The following ESR1 variants were observed in gnomAD, a reference collection of about 807,000 sequenced individuals.
ESR1 encodes estrogen receptor 1, also known as estrogen receptor.
A neutral mutation model predicts 52.7 loss-of-function variants in ESR1; 12 were observed. The ratio of observed to expected loss-of-function variants is 0.23; its 90% CI spans 0.15 to 0.37. The LOEUF is 0.37. Among genes scored for constraint, ESR1 ranks in the 10% least tolerant of loss-of-function variants. The pLI, the probability that ESR1 is intolerant of heterozygous loss-of-function variation, is 1.00. For synonymous variants in ESR1, 305 were observed against 316.8 expected, an observed-to-expected ratio of 0.96 and a Z score of 0.39; for missense variants, 584 against 779.7, an observed-to-expected ratio of 0.75 and a Z score of 2.99.
chr6:151,705,118 G>GAGCACAT (rs1350016227), intron 2 of ESR1, among the ~76,000 whole-genome samples: 1 of 152,018 alleles, frequency 6.6e-6, no homozygotes, highest in Non-Finnish European at 1.5e-5. Flanking sequence ...ATCATCATAA[G>GAGCACAT]AGCACATTTT....
intron 5 of ESR1, among the ~76,000 whole-genome samples, chr6:152,047,866 C>T (rs563639862): frequency 2.0e-5 from 3 of 151,956 alleles, no homozygotes; most frequent in Non-Finnish European, 2.9e-5. Context: ...TATGTGCTCC[C>T]GGCTCTCCAG....
At chr6:152,057,059 A>G (rs1019892277) in intron 5 of ESR1, among the ~76,000 whole-genome samples, 8 of 152,146 alleles carry the variant, frequency 5.3e-5, no homozygotes, top group African/African-American at 1.7e-4. Context: ...TGAAGTTAGT[A>G]TAGAATATTT....
At chr6:151,663,385 A>G (rs1777707473) in intron 1 of ESR1, among the ~76,000 whole-genome samples, 1 of 152,182 alleles carries the variant, frequency 6.6e-6, no homozygotes, top group Non-Finnish European at 1.5e-5. Context: ...GATTTCTAGA[A>G]AGCAGTCCTA....
chr6:151,868,252 C>G (rs887672021), intron 2 of ESR1, among the ~76,000 whole-genome samples: 1 of 152,176 alleles, frequency 6.6e-6, no homozygotes, highest in East Asian at 1.9e-4. Flanking sequence ...CTCAGCCTCC[C>G]AAGTAGCTGG....
intron 2 of ESR1, among the ~76,000 whole-genome samples, chr6:151,867,461 G>C (rs1043472564): frequency 8.6e-5 from 13 of 150,562 alleles, no homozygotes; most frequent in African/African-American, 3.2e-4. Context: ...CCATCAAAAA[G>C]TGGGTGAAGG....
In ESR1 at chr6:151,748,878, T is replaced by C. The variant is rs151152363; in HGVS notation, c.-71+46873T>C. ...ATAGAGATTGTATCTAAATTTGCCTTAATACATAGTATATCCATTTGCTAA... is the reference window on the plus strand; with the variant it reads ...ATAGAGATTGTATCTAAATTTGCCTCAATACATAGTATATCCATTTGCTAA... On this transcript the variant is annotated intron_variant, in intron 2 of 2. Coordinates refer to the ESR1 transcript ENST00000404742. 3.6e-3 allele frequency among the ~76,000 whole-genome samples: 551 copies of C among 151,654 alleles called. 8 individuals carry two copies. The East Asian group carries it at 0.046, about 13-fold the overall frequency.
intron 2 of ESR1, among the ~76,000 whole-genome samples, chr6:151,719,339 G>T (rs1407809316): frequency 6.6e-6 from 1 of 152,194 alleles, no homozygotes; most frequent in Non-Finnish European, 1.5e-5. Flanking sequence ...TTGGCTGTGT[G>T]GGTGTGGAGG....
chr6:152,031,288 C>T (rs1418126767), intron 5 of ESR1, among the ~76,000 whole-genome samples: 6 of 152,176 alleles, frequency 3.9e-5, no homozygotes, highest in Middle Eastern at 3.4e-3. Flanking sequence ...TAACTAAGAT[C>T]AGAGCAGAAC....
intron 3 of ESR1, among the ~76,000 whole-genome samples, chr6:151,932,552 G>T (rs1260202865): frequency 8.5e-6 from 1 of 118,264 alleles, no homozygotes; most frequent in Non-Finnish European, 1.7e-5. Context: ...GAATGGTAAT[G>T]CCTAGGTTTT....
chr6:151,659,001 T>G (rs766069429), intron 1 of ESR1, among the ~76,000 whole-genome samples: 10 of 152,184 alleles, frequency 6.6e-5, no homozygotes, highest in Non-Finnish European at 1.3e-4. Context: ...CAAGATATGC[T>G]AAGGCAAGTT....
At chr6:151,745,365 A>G (rs1407498033) in intron 2 of ESR1, among the ~76,000 whole-genome samples, 1 of 152,108 alleles carries the variant, frequency 6.6e-6, no homozygotes, top group African/African-American at 2.4e-5. Flanking sequence ...TGCTTATGGG[A>G]TAGCCATTGA....
At chr6:151,861,864 T>C (rs1788957762) in intron 2 of ESR1, among the ~76,000 whole-genome samples, 1 of 152,112 alleles carries the variant, frequency 6.6e-6, no homozygotes, top group African/African-American at 2.4e-5. Flanking sequence ...TAGGACCAAG[T>C]GTTTTGCATG....
chr6:151,781,625 T>C (rs544494092), intron 2 of ESR1, among the ~76,000 whole-genome samples: 1 of 152,364 alleles, frequency 6.6e-6, no homozygotes, highest in East Asian at 1.9e-4. Flanking sequence ...CTGTTTCCAT[T>C]CCTTTCTCCT....
At chr6:152,104,075 C>T (rs1039264779), downstream of ESR1, among the ~76,000 whole-genome samples, 4 of 141,032 alleles carry the variant, frequency 2.8e-5, no homozygotes, top group Admixed American at 1.5e-4. Context: ...AGTGCATCTG[C>T]CTGGAAGGGT....
At chr6:151,894,996 T>G (rs1795261670) in intron 3 of ESR1, among the ~76,000 whole-genome samples, 1 of 152,224 alleles carries the variant, frequency 6.6e-6, no homozygotes, top group Non-Finnish European at 1.5e-5. Flanking sequence ...ATTTTCACAA[T>G]ATTGATTCTA....
chr6:152,021,027 G>A (rs1031851280), intron 5 of ESR1, among the ~76,000 whole-genome samples: 17 of 152,250 alleles, frequency 1.1e-4, no homozygotes, highest in African/African-American at 3.1e-4. Flanking sequence ...ATTTCCCAGT[G>A]TGATGGTTAA....
intron 2 of ESR1, among the ~76,000 whole-genome samples, chr6:151,849,263 G>T (rs986665675): frequency 2.0e-5 from 3 of 152,128 alleles, no homozygotes; most frequent in Non-Finnish European, 2.9e-5. Context: ...GCTGATTTCT[G>T]TTCAGCATTG....
At chr6:151,824,495 T>G (rs1781133017) in intron 1 of ESR1, among the ~76,000 whole-genome samples, 1 of 152,226 alleles carries the variant, frequency 6.6e-6, no homozygotes, top group Non-Finnish European at 1.5e-5. Context: ...CATTTGTCAA[T>G]TTTGGCTTTT....
At chr6:151,804,197 G>A (rs369535994), upstream of ESR1, among the ~76,000 whole-genome samples, 7 of 152,344 alleles carry the variant, frequency 4.6e-5, no homozygotes, top group East Asian at 1.4e-3. Context: ...ACCAAGATGA[G>A]TTTGGAAGAG....
Sources: gnomAD v4.1 joint callset for allele counts (sites outside exome capture counted in the v4.1 genomes callset) on GRCh38, gnomAD v4.1.1 for gene constraint, MANE v1.5 for transcripts, NCBI Gene and HGNC (gene_info 2026-07-23, HGNC 2026-07-21) for gene names.